Variants in PPP2R3C observed in about 807,000 individuals in gnomAD.
PPP2R3C encodes serine/threonine-protein phosphatase 2A regulatory subunit B'' subunit gamma.
PPP2R3C carries 47 observed loss-of-function variants against 63.7 expected under a neutral mutation model. The observed-to-expected ratio is 0.74, with a 90% CI of 0.58 to 0.94. The LOEUF is 0.94. Ranked by LOEUF, PPP2R3C falls within the 40% of genes least tolerant of loss-of-function variation. The pLI is 0.00. For missense variants in PPP2R3C, 421 were observed against 518.4 expected, an observed-to-expected ratio of 0.81 and a Z score of 1.82; for synonymous variants, 180 against 177.4, an observed-to-expected ratio of 1.01 and a Z score of -0.12.
Position 35,108,189 on chromosome 14 carries a change from G to C in PPP2R3C, c.452C>G (p.Ser151Ter). ...KVFAKLLHTD[S>*]YGRISIMQFF... ...CTGCATGATGGAAATTCTTCCATAT[G>C]AATCTGTATGAAGGAGTTTAGCAAA... The change falls in exon 5 of 13, where the codon TCA becomes TGA. Residue 151 changes from serine to a stop codon, truncating the protein, a stop_gained. Transcript: ENST00000261475. LOFTEE classifies it high-confidence loss of function. 6.2e-7 allele frequency: 1 copy of C among 1,601,852 alleles called. No homozygotes were observed. Among genetic ancestry groups the C allele is most frequent in the Non-Finnish European group, 8.5e-7 (1 of 1,176,904 alleles).
intron 11 of PPP2R3C, among the ~76,000 whole-genome samples, chr14:35,090,758 C>T (rs2045783979): frequency 6.7e-6 from 1 of 149,380 alleles, no homozygotes; most frequent in South Asian, 2.1e-4. Flanking sequence ...CTCTGTCGCC[C>T]AGGCTGGAGT....
chr14:35,102,987 C>T (rs556556478), intron 6 of PPP2R3C, among the ~76,000 whole-genome samples: 30 of 152,074 alleles, frequency 2.0e-4, no homozygotes, highest in Admixed American at 9.8e-4. Context: ...CTTGAACTCC[C>T]GAGCTCAAGC....
intron 1 of PPP2R3C, among the ~76,000 whole-genome samples, chr14:35,117,514 CCTTTCTGGTAATTCAAA>C (rs1335361605): frequency 5.9e-5 from 9 of 152,204 alleles, no homozygotes; most frequent in African/African-American, 2.2e-4. Flanking sequence ...CTCAGATCAT[CCTTTCTGGTAATTCAAA>C]ACCTCACTGC....
intron 6 of PPP2R3C, 52 bp downstream of exon 6, chr14:35,107,252 A>T: frequency 1.5e-6 from 2 of 1,366,540 alleles, no homozygotes; most frequent in Non-Finnish European, 2.1e-6. Context: ...ACTACAGTTT[A>T]CATTTTAGTG....
chr14:35,088,023 GAAAT>G lies in PPP2R3C; in HGVS notation c.1114-17_1114-14del. 6.4e-7 allele frequency: 1 copy of G among 1,559,578 alleles called. No individual in the cohort carries two copies. Among genetic ancestry groups the G allele is most frequent in the East Asian group, 2.2e-5 (1 of 44,470 alleles). On this transcript the variant is annotated splice_polypyrimidine_tract_variant and intron_variant, in intron 11 of 12. Coordinates refer to ENST00000261475, the MANE Select transcript of PPP2R3C (RefSeq NM_017917.4). ...GTTCCTGTATGGCCTGTATTTAATA[GAAAT>G]AAATCTGTAAATAAAAAATGAAATA...
intron 2 of PPP2R3C, chr14:35,112,932 A>G (rs12879871): frequency 0.42 from 63,183 of 152,044 alleles, 13,333 homozygotes; most frequent in South Asian, 0.49. Flanking sequence ...TGGAAGCCCC[A>G]CTTCAAATTG....
At chr14:35,106,779 T>C (rs1190907881) in intron 6 of PPP2R3C, among the ~76,000 whole-genome samples, 2 of 151,398 alleles carry the variant, frequency 1.3e-5, no homozygotes, top group African/African-American at 4.9e-5. Context: ...GTGATTCTCC[T>C]GCCTCAGCCT....
At chr14:35,107,639 A>G (rs1338393009) in intron 5 of PPP2R3C, 3 of 444,050 alleles carry the variant, frequency 6.8e-6, no homozygotes, top group Non-Finnish European at 4.0e-6. Flanking sequence ...GACAGCTAGT[A>G]TAATATTATG....
chr14:35,096,534 T>G (rs951555453), intron 9 of PPP2R3C, 24 bp downstream of exon 9: 1 of 1,592,440 alleles, frequency 6.3e-7, no homozygotes, highest in Non-Finnish European at 8.6e-7. Context: ...TAATTCAAAT[T>G]TTAGCATTAT....
At chr14:35,121,401 A>G (rs2046885893) in intron 1 of PPP2R3C, among the ~76,000 whole-genome samples, 1 of 152,004 alleles carries the variant, frequency 6.6e-6, no homozygotes, top group African/African-American at 2.4e-5. Context: ...AAGTGAGACA[A>G]CTCACCAAGG....
chr14:35,085,653 G>GT lies in PPP2R3C; in HGVS notation c.1298dup (p.Tyr433Ter). Reference sequence around the variant, plus strand: ...TTGCAACAAGAGCCTCTCTGTTCTCGTAAGTCCAGAAGCCATTCAAATCGA... The same window carrying GT: ...TTGCAACAAGAGCCTCTCTGTTCTCGTTAAGTCCAGAAGCCATTCAAATCGA... ...ILIDLNGFWT[Y>*]ENREALVAND... Residue 433 changes from tyrosine to a stop codon, truncating the protein, a stop_gained and frameshift_variant, in exon 13 of 13, where the codon TAC becomes TAAC. Coordinates refer to ENST00000261475, the MANE Select transcript of PPP2R3C (RefSeq NM_017917.4). LOFTEE classifies it high-confidence loss of function. The GT allele has an allele frequency of 6.2e-7, 1 of 1,613,542 alleles. No homozygotes were observed. Among genetic ancestry groups the GT allele is most frequent in the Non-Finnish European group, 8.5e-7 (1 of 1,179,796 alleles).
In PPP2R3C at chr14:35,096,557, C is replaced by G; in HGVS notation, c.838+1G>C. On this transcript the variant is annotated splice_donor_variant, in intron 9 of 12. Coordinates refer to ENST00000261475, the MANE Select transcript of PPP2R3C (RefSeq NM_017917.4). LOFTEE classifies it high-confidence loss of function. ...ATTTTAGCATTATGATAGGAACATACCATAAACTCTTAGGGCAGAAGGAGC... is the reference window on the plus strand; with the variant it reads ...ATTTTAGCATTATGATAGGAACATAGCATAAACTCTTAGGGCAGAAGGAGC... 6.2e-7 allele frequency: 1 copy of G among 1,610,574 alleles called. No individual in the cohort carries two copies. The highest frequency in any genetic ancestry group is 8.5e-7 in the Non-Finnish European group (1 of 1,177,086).
intron 11 of PPP2R3C, among the ~76,000 whole-genome samples, chr14:35,089,066 G>GA (rs1227782578): frequency 1.3e-5 from 2 of 152,078 alleles, no homozygotes; most frequent in African/African-American, 4.8e-5. Context: ...TATTTTCTCA[G>GA]ATGAGCCGCT....
At chr14:35,116,829 A>C (rs1417697125) in intron 1 of PPP2R3C, 92 bp from the exon 2 acceptor site, 10 of 1,080,816 alleles carry the variant, frequency 9.3e-6, no homozygotes, top group Non-Finnish European at 1.2e-5. Context: ...AGTTTAATTA[A>C]AATAGTTGCA....
At chr14:35,098,100 T>C (rs1009622567) in intron 7 of PPP2R3C, among the ~76,000 whole-genome samples, 8 of 152,070 alleles carry the variant, frequency 5.3e-5, no homozygotes, top group Non-Finnish European at 1.0e-4. Context: ...TTTGAAAAAG[T>C]ATATATGTGT....
Position 35,085,761 on chromosome 14 carries a change from C to T in PPP2R3C, c.1191G>A (p.Met397Ile). The T allele has an allele frequency of 6.2e-7, 1 of 1,601,968 alleles. No individual in the cohort carries two copies. Among genetic ancestry groups the T allele is most frequent in the South Asian group, 1.1e-5 (1 of 88,798 alleles). ...TTTTCAAAGGATCCTTTGGTTTTAC[C>T]ATGTCAAAGATTTCATCCTGCAAGA... ...FQDVKDEIFD[M>I]VKPKDPLKIS... Residue 397 changes from methionine (M) to isoleucine (I), a missense_variant, in exon 13 of 13, where the codon ATG (methionine) becomes ATA (isoleucine). Met to Ile is a conservative substitution (Grantham distance 10). Around this residue, in one of 3 missense-constraint regions of PPP2R3C, gnomAD observed 231 missense variants for 264.8 expected, o/e 0.87. Coordinates refer to ENST00000261475, the MANE Select transcript of PPP2R3C (RefSeq NM_017917.4).
intron 6 of PPP2R3C, chr14:35,100,301 GGAA>G (rs772186225): frequency 2.0e-5 from 3 of 152,098 alleles, no homozygotes; most frequent in Non-Finnish European, 2.9e-5. Context: ...TAGATATTGT[GGAA>G]GAATATAGAA....
intron 1 of PPP2R3C, among the ~76,000 whole-genome samples, chr14:35,119,285 A>G (rs8019700): frequency 0.11 from 16,020 of 151,966 alleles, 1,067 homozygotes; most frequent in African/African-American, 0.19. Flanking sequence ...TGATCTGCCT[A>G]CCTCGGCCTC....
At chr14:35,112,607 A>T (rs2046597314) in intron 2 of PPP2R3C, among the ~76,000 whole-genome samples, 1 of 152,172 alleles carries the variant, frequency 6.6e-6, no homozygotes, top group Non-Finnish European at 1.5e-5. Context: ...AACCATCTGA[A>T]TGGACTTCCT....
Sources: gnomAD v4.1 joint callset for allele counts (sites outside exome capture counted in the v4.1 genomes callset) on GRCh38, gnomAD v4.1.1 for gene constraint, gnomAD v4.1.1 regional missense constraint, MANE v1.5 for transcripts, NCBI Gene and HGNC (gene_info 2026-07-23, HGNC 2026-07-21) for gene names.